The following EPHB1 variants were observed in gnomAD, a reference collection of about 807,000 sequenced individuals.
The protein encoded by EPHB1 is ephrin type-B receptor 1.
A neutral mutation model predicts 94.4 loss-of-function variants in EPHB1; 30 were observed. That is an observed-to-expected ratio of 0.32 (90% CI 0.24 to 0.43). EPHB1 has a LOEUF of 0.43. Among genes scored for constraint, EPHB1 ranks in the 20% least tolerant of loss-of-function variants. EPHB1 has a pLI of 1.00. For missense variants in EPHB1, 1,055 were observed against 1,308.3 expected, an observed-to-expected ratio of 0.81 and a Z score of 2.99; for synonymous variants, 522 against 489.1, an observed-to-expected ratio of 1.07 and a Z score of -0.89.
In EPHB1 at chr3:134,902,938, A is replaced by C. The variant is rs77193096; in HGVS notation, c.59-22878A>C. Among the ~76,000 whole-genome samples, 214 of 152,318 alleles carry C rather than the reference A, an allele frequency of 1.4e-3. 1 individual carries two copies. The highest frequency in any genetic ancestry group is 3.4e-3 in the Middle Eastern group (1 of 294). ...GTCTAAACCAGATAATGTGGCCTGG[A>C]AATGCTCTTCACCAGGCATCTGTAA... On this transcript the variant is annotated intron_variant, in intron 1 of 15. Transcript: ENST00000398015.
At chr3:135,179,547 C>T (rs1942093728) in intron 9 of EPHB1, among the ~76,000 whole-genome samples, 1 of 152,186 alleles carries the variant, frequency 6.6e-6, no homozygotes, top group South Asian at 2.1e-4. Context: ...AGCTTCCTTG[C>T]CTTCTGTGAG....
chr3:134,827,631 G>T (rs2036507938), intron 1 of EPHB1, among the ~76,000 whole-genome samples: 1 of 152,246 alleles, frequency 6.6e-6, no homozygotes, highest in African/African-American at 2.4e-5. Flanking sequence ...AATGATCCCA[G>T]TTTCAATGTG....
chr3:135,241,327 A>G (rs757118004), intron 13 of EPHB1, 30 bp downstream of exon 13: 6 of 1,613,468 alleles, frequency 3.7e-6, no homozygotes, highest in Non-Finnish European at 5.1e-6. Flanking sequence ...GGTCACCACA[A>G]ACCCCCATTG....
intron 1 of EPHB1, among the ~76,000 whole-genome samples, chr3:134,819,290 C>A (rs147756274): frequency 7.1e-4 from 108 of 152,212 alleles, no homozygotes; most frequent in Non-Finnish European, 1.3e-3. Context: ...TAGGGGATGG[C>A]AGCCTCCCAT....
At chr3:135,013,311 C>G (rs571627388) in intron 3 of EPHB1, among the ~76,000 whole-genome samples, 4 of 152,178 alleles carry the variant, frequency 2.6e-5, no homozygotes, top group Non-Finnish European at 5.9e-5. Flanking sequence ...TGTGGTCTAC[C>G]CCTGCAGTGC....
chr3:135,018,577 G>A (rs1334527212), intron 3 of EPHB1, among the ~76,000 whole-genome samples: 1 of 152,098 alleles, frequency 6.6e-6, no homozygotes, highest in Non-Finnish European at 1.5e-5. Flanking sequence ...AGCAATCTTT[G>A]TTGTGAACAT....
chr3:134,909,703 T>C (rs78327899), intron 1 of EPHB1, among the ~76,000 whole-genome samples: 4,731 of 152,280 alleles, frequency 0.031, 246 homozygotes, highest in African/African-American at 0.11. Context: ...TCTTTTGGCC[T>C]CAGGAAAAGG....
chr3:134,857,236 C>T (rs2037142036), intron 1 of EPHB1, among the ~76,000 whole-genome samples: 1 of 152,274 alleles, frequency 6.6e-6, no homozygotes. Context: ...TGCTCAGCCC[C>T]TGTCTGCTTC....
At chr3:134,841,127 G>A (rs2036768902) in intron 1 of EPHB1, among the ~76,000 whole-genome samples, 1 of 152,196 alleles carries the variant, frequency 6.6e-6, no homozygotes, top group African/African-American at 2.4e-5. Flanking sequence ...GTGTCAAGAA[G>A]TGGGCACTGA....
chr3:135,154,373 G>T, intron 6 of EPHB1, 97 bp downstream of exon 6: 3 of 1,536,308 alleles, frequency 2.0e-6, no homozygotes, highest in Non-Finnish European at 2.6e-6. Context: ...AGGCTGCTGA[G>T]GTGGGGAGGA....
intron 1 of EPHB1, among the ~76,000 whole-genome samples, chr3:134,851,450 T>G (rs4955506): frequency 6.6e-6 from 1 of 151,972 alleles, no homozygotes. Flanking sequence ...TTTCCTCCCT[T>G]CCTCCATCCC....
intron 3 of EPHB1, among the ~76,000 whole-genome samples, chr3:135,010,203 A>G (rs1389480319): frequency 6.6e-6 from 1 of 152,228 alleles, no homozygotes; most frequent in Admixed American, 6.5e-5. Flanking sequence ...TAATTTCTGT[A>G]AAGTTTTTTG....
chr3:134,946,023 G>A (rs988966592), intron 2 of EPHB1, among the ~76,000 whole-genome samples: 34 of 152,210 alleles, frequency 2.2e-4, no homozygotes, highest in Admixed American at 2.2e-3. Context: ...GGCGAGGCAG[G>A]ACTGATACCT....
chr3:135,200,032 A>G (rs1484419231), intron 11 of EPHB1, among the ~76,000 whole-genome samples: 1 of 152,174 alleles, frequency 6.6e-6, no homozygotes, highest in East Asian at 1.9e-4. Context: ...GTTTAGCAGT[A>G]AACATAGACT....
At chr3:135,171,978 G>T (rs1028023181) in intron 9 of EPHB1, among the ~76,000 whole-genome samples, 11 of 152,204 alleles carry the variant, frequency 7.2e-5, no homozygotes, top group African/African-American at 2.7e-4. Context: ...GTTCAGATCA[G>T]AAAAGGTGAT....
In EPHB1 at chr3:135,137,805, G is replaced by A. The variant is rs16842664; in HGVS notation, c.1297+4756G>A. 5.6e-3 allele frequency among the ~76,000 whole-genome samples: 849 copies of A among 152,282 alleles called. 8 individuals are homozygous for A. The highest frequency in any genetic ancestry group is 0.01 in the Non-Finnish European group (703 of 68,032). On this transcript the variant is annotated intron_variant, in intron 5 of 15. Coordinates refer to ENST00000398015, the MANE Select transcript of EPHB1 (RefSeq NM_004441.5). ...GTCTTCAGCTAGAGAGCAATTTGCC[G>A]TATTTTTTCTCCCTAGACTGTTTCC...
rs1042789 is a variant in EPHB1 at position 135,132,851 on chromosome 3, C to T, written c.1099C>T (p.Arg367Cys). 5.0e-6 allele frequency: 8 copies of T among 1,614,026 alleles called. No individual in the cohort carries two copies. The highest frequency in any genetic ancestry group is 5.9e-6 in the Non-Finnish European group (7 of 1,179,904). ...CATCTGCAAAAAGTGCCGGGCAGAC[C>T]GCCGGAGCTGCTCCCGCTGTGACGA... ...NIICKKCRADRRSCSRCDDNV... is the reference protein window; with the variant it reads ...NIICKKCRADCRSCSRCDDNV... Residue 367 changes from arginine to cysteine, a missense_variant, in exon 5 of 16, where the codon CGC (arginine) becomes TGC (cysteine). Coordinates refer to ENST00000398015, the MANE Select transcript of EPHB1 (RefSeq NM_004441.5).
At chr3:134,871,009 G>C (rs1166896449) in intron 1 of EPHB1, among the ~76,000 whole-genome samples, 1 of 152,200 alleles carries the variant, frequency 6.6e-6, no homozygotes, top group Non-Finnish European at 1.5e-5. Context: ...GTGCCCCTTA[G>C]GCCCCTGGAG....
In EPHB1 at chr3:135,166,048, T is replaced by G; in HGVS notation, c.1666T>G (p.Leu556Val). ...AAAGVVFVVS[L>V]VAISIVCSRK... is the part of the protein sequence containing the mutation. Reference sequence around the variant, plus strand: ...GGCCGGGGTCGTGTTCGTTGTGTCCTTGGTGGCCATCTCTATCGTCTGTAG... The same window carrying G: ...GGCCGGGGTCGTGTTCGTTGTGTCCGTGGTGGCCATCTCTATCGTCTGTAG... Residue 556 changes from leucine to valine, a missense_variant, in exon 8 of 16, where the codon TTG (leucine) becomes GTG (valine). Coordinates refer to ENST00000398015, the MANE Select transcript of EPHB1 (RefSeq NM_004441.5). 6.2e-7 allele frequency: 1 copy of G among 1,613,894 alleles called. No individual in the cohort carries two copies. The highest frequency in any genetic ancestry group is 8.5e-7 in the Non-Finnish European group (1 of 1,179,832).
Sources: gnomAD v4.1 joint callset for allele counts (sites outside exome capture counted in the v4.1 genomes callset) on GRCh38, gnomAD v4.1.1 for gene constraint, MANE v1.5 for transcripts, NCBI Gene and HGNC (gene_info 2026-07-23, HGNC 2026-07-21) for gene names.